The following GRID2 variants were observed in gnomAD, a reference collection of about 807,000 sequenced individuals.
The protein encoded by GRID2 is glutamate ionotropic receptor delta type subunit 2, also known as glutamate receptor ionotropic, delta-2.
Under a neutral mutation model 114.8 loss-of-function variants are expected in GRID2, and 33 were observed. The observed-to-expected ratio is 0.29, with a 90% CI of 0.22 to 0.38. The LOEUF is 0.38. Among genes scored for constraint, GRID2 ranks in the 10% least tolerant of loss-of-function variants. GRID2 has a pLI of 1.00. For synonymous variants in GRID2, 505 were observed against 449.9 expected (o/e 1.12, Z -1.55); for missense variants, 1,184 against 1,257.7 (o/e 0.94, Z 0.89).
chr4:93,282,130 A>T (rs1752713325), intron 8 of GRID2, among the ~76,000 whole-genome samples: 1 of 152,046 alleles, frequency 6.6e-6, no homozygotes, highest in Non-Finnish European at 1.5e-5. Flanking sequence ...AGCTCTGGAA[A>T]TTGATTCTAC....
At chr4:93,111,860 A>G (rs1019115930) in intron 4 of GRID2, 2 of 151,634 alleles carry the variant, frequency 1.3e-5, no homozygotes, top group Non-Finnish European at 2.9e-5. Flanking sequence ...GACACTCACA[A>G]TATAGTTGGT....
At chr4:93,635,980 T>C (rs1721377495) in intron 14 of GRID2, among the ~76,000 whole-genome samples, 2 of 152,158 alleles carry the variant, frequency 1.3e-5, no homozygotes, top group African/African-American at 4.8e-5. Context: ...AACCTAGACA[T>C]CAAACAGCAA....
chr4:92,912,782 A>C (rs1748485679), intron 2 of GRID2, among the ~76,000 whole-genome samples: 1 of 151,868 alleles, frequency 6.6e-6, no homozygotes, highest in South Asian at 2.1e-4. Context: ...TGATTTCTTA[A>C]AGTTTGAGAC....
chr4:92,315,607 G>A (rs889441586), intron 1 of GRID2, among the ~76,000 whole-genome samples: 8 of 152,072 alleles, frequency 5.3e-5, no homozygotes, highest in East Asian at 3.8e-4. Flanking sequence ...AAAATGTCAT[G>A]TCATTGATTG....
chr4:93,730,923 G>A (rs768624953), intron 14 of GRID2, among the ~76,000 whole-genome samples: 9 of 152,186 alleles, frequency 5.9e-5, no homozygotes, highest in Non-Finnish European at 1.3e-4. Context: ...GGCCTTGACT[G>A]CAACTCCCTT....
At chr4:92,487,818 G>A (rs902248751) in intron 1 of GRID2, among the ~76,000 whole-genome samples, 13 of 151,792 alleles carry the variant, frequency 8.6e-5, no homozygotes, top group African/African-American at 2.2e-4. Flanking sequence ...TTCTTGGATC[G>A]GCAGTTTTGT....
In GRID2 at chr4:92,610,909, G is replaced by A. The variant is rs77256204; in HGVS notation, c.244+20623G>A. Among the ~76,000 whole-genome samples the A allele has an allele frequency of 1.2e-3, 186 of 151,716 alleles. 3 individuals carry two copies. In the East Asian group the frequency reaches 0.032, roughly 27 times the overall value. On this transcript the variant is annotated intron_variant, in intron 2 of 15. Coordinates refer to ENST00000282020, the MANE Select transcript of GRID2 (RefSeq NM_001510.4). ...GATTTTTTTCTTTTAATGATGAATA[G>A]TGTTCTATTATAGGGATATATCATT...
chr4:92,385,241 T>C (rs1729888439), intron 1 of GRID2, among the ~76,000 whole-genome samples: 1 of 151,860 alleles, frequency 6.6e-6, no homozygotes, highest in Non-Finnish European at 1.5e-5. Flanking sequence ...AAAATTTAGC[T>C]ATAATTCCAA....
At chr4:93,306,888 A>C (rs1755481067) in intron 8 of GRID2, among the ~76,000 whole-genome samples, 1 of 152,180 alleles carries the variant, frequency 6.6e-6, no homozygotes, top group Admixed American at 6.5e-5. Context: ...AAATTTAAAT[A>C]GTGTTTTTTA....
chr4:92,932,141 G>A (rs563338689), intron 2 of GRID2, among the ~76,000 whole-genome samples: 16 of 150,978 alleles, frequency 1.1e-4, no homozygotes, highest in Middle Eastern at 3.4e-3. Context: ...AAAAAGAGTC[G>A]GGAAAAGTAA....
intron 2 of GRID2, among the ~76,000 whole-genome samples, chr4:93,017,623 C>T (rs1015841646): frequency 2.0e-5 from 3 of 151,572 alleles, no homozygotes; most frequent in South Asian, 2.1e-4. Context: ...GAGACCAACA[C>T]AATGAAGCCC....
intron 8 of GRID2, among the ~76,000 whole-genome samples, chr4:93,252,869 G>T (rs1749130370): frequency 6.6e-6 from 1 of 152,022 alleles, no homozygotes; most frequent in Non-Finnish European, 1.5e-5. Flanking sequence ...CTCTTGGCTT[G>T]ACTGTTGGTA....
intron 13 of GRID2, among the ~76,000 whole-genome samples, chr4:93,520,362 G>A (rs1042789953): frequency 2.8e-4 from 43 of 152,132 alleles, no homozygotes; most frequent in Non-Finnish European, 1.5e-4. Context: ...AGATCATGAA[G>A]AGGATGTTGC....
chr4:93,722,321 T>C (rs183657830), intron 14 of GRID2, among the ~76,000 whole-genome samples: 9 of 152,308 alleles, frequency 5.9e-5, no homozygotes. Flanking sequence ...TTATTACTCA[T>C]GAATTACAGA....
At chr4:93,726,338 G>A (rs564461445) in intron 14 of GRID2, among the ~76,000 whole-genome samples, 284 of 147,068 alleles carry the variant, frequency 1.9e-3, no homozygotes, top group African/African-American at 5.6e-3. Context: ...TGTTCCATTG[G>A]TCTATATCTC....
intron 2 of GRID2, among the ~76,000 whole-genome samples, chr4:92,891,534 C>T (rs1746782680): frequency 6.6e-6 from 1 of 152,110 alleles, no homozygotes; most frequent in Non-Finnish European, 1.5e-5. Context: ...TTTCACTAGT[C>T]ATCAGGTTGT....
At chr4:93,137,007 C>CA (rs1427621586) in intron 4 of GRID2, among the ~76,000 whole-genome samples, 1 of 151,984 alleles carries the variant, frequency 6.6e-6, no homozygotes, top group Admixed American at 6.6e-5. Context: ...TTATGGCAGA[C>CA]AAAAATTAAT....
intron 2 of GRID2, among the ~76,000 whole-genome samples, chr4:92,950,648 A>C (rs1191247088): frequency 6.6e-6 from 1 of 152,216 alleles, no homozygotes; most frequent in Admixed American, 6.5e-5. Flanking sequence ...CCAACGAAGC[A>C]TGGCAATGCA....
rs1420000560 is a variant in GRID2, at chr4:93,463,870, TC to T, written c.1858+7899del. Among the ~76,000 whole-genome samples the T allele has an allele frequency of 2.0e-5, 3 of 152,094 alleles. No individual in the cohort carries two copies. The East Asian group carries it at 5.8e-4, about 30-fold the overall frequency. Reference sequence around the variant, plus strand: ...CAGGCGTGGTGGCGGGCACCTGTAGTCCCAGCTACTCGGGAGGCTGAGGCAG... The same window carrying T: ...CAGGCGTGGTGGCGGGCACCTGTAGTCCAGCTACTCGGGAGGCTGAGGCAG... On this transcript the variant is annotated intron_variant, in intron 11 of 15. Transcript: ENST00000282020.
Sources: gnomAD v4.1 joint callset for allele counts (sites outside exome capture counted in the v4.1 genomes callset) on GRCh38, gnomAD v4.1.1 for gene constraint, MANE v1.5 for transcripts, NCBI Gene and HGNC (gene_info 2026-07-23, HGNC 2026-07-21) for gene names.